MROH7: variants seen among roughly 807,000 people sequenced by gnomAD.
MROH7 encodes the protein maestro heat like repeat family member 7.
MROH7 carries 113 observed loss-of-function variants against 129.2 expected under a neutral mutation model. The observed-to-expected ratio is 0.87, with a 90% CI of 0.75 to 1.02. The LOEUF (loss-of-function observed/expected upper bound fraction) is 1.02. MROH7 is among the 50% of genes least tolerant of loss of function. The probability of loss-of-function intolerance (pLI) is 0.00; values close to 1 mark genes in which losing one functional copy is unlikely to be tolerated. For synonymous variants in MROH7, 655 were observed against 667.9 expected (o/e 0.98, Z 0.30); for missense variants, 1,601 against 1,671.3 (o/e 0.96, Z 0.73).
intron 7 of MROH7, among the ~76,000 whole-genome samples, chr1:54,671,276 T>C (rs960670435): frequency 5.9e-5 from 9 of 151,492 alleles, no homozygotes; most frequent in Admixed American, 1.3e-4. Context: ...AGCGGGCGCC[T>C]GTAGGCCCAG....
Position 54,679,873 on chromosome 1 carries a change from G to C in MROH7, c.2227-18G>C, listed in dbSNP as rs768180710. ...CTTGGCAGTCCCCTTGCTCATGGCT[G>C]CCCCGGCTGTGCCCCAGATCCCAGA... On this transcript the variant is annotated intron_variant, in intron 12 of 23. Coordinates refer to ENST00000421030, the MANE Select transcript of MROH7 (RefSeq NM_001039464.4). The C allele has an allele frequency of 4.4e-6, 7 of 1,598,894 alleles. No individual in the cohort carries two copies. The highest frequency in any genetic ancestry group is 5.1e-6 in the Non-Finnish European group (6 of 1,174,242).
At chr1:54,704,800 T>G (rs1005815346) in intron 21 of MROH7, among the ~76,000 whole-genome samples, 20 of 132,188 alleles carry the variant, frequency 1.5e-4, no homozygotes, top group African/African-American at 6.0e-4. Flanking sequence ...GCTCTTTTTT[T>G]TTTTTTTTTT....
chr1:54,702,768 G>A, intron 21 of MROH7, 23 bp downstream of exon 21: 1 of 1,597,818 alleles, frequency 6.3e-7, no homozygotes, highest in Non-Finnish European at 8.5e-7. Flanking sequence ...AGAGAGTAGA[G>A]TGGTTCCTTA....
At position 54,686,426 on chromosome 1, in the gene MROH7, C is replaced by G. The variant is rs1286656000; in HGVS notation, c.2689C>G (p.Pro897Ala). The G allele has an allele frequency of 1.2e-6, 2 of 1,614,052 alleles. No individual in the cohort carries two copies. The highest frequency in any genetic ancestry group is 4.5e-5 in the East Asian group (2 of 44,872). Residue 897 changes from proline (P) to alanine (A), a missense_variant, in exon 15 of 24, where the codon CCC becomes GCC. Transcript: ENST00000421030. ...PPKDTKKGAQ[P>A]SPFVPVRWVV... ...CAAGGACACCAAGAAGGGTGCACAG[C>G]CCTCTCCCTTCGTACCTGTGCGGTA...
At chr1:54,663,698 A>AG (rs930363123) in intron 3 of MROH7, 1 of 378,468 alleles carries the variant, frequency 2.6e-6, no homozygotes, top group Admixed American at 3.5e-5. Context: ...AAAAAAAAAA[A>AG]AAACAAAAAA....
chr1:54,689,798 C>T (rs1645205151), intron 15 of MROH7, among the ~76,000 whole-genome samples: 1 of 152,166 alleles, frequency 6.6e-6, no homozygotes, highest in Non-Finnish European at 1.5e-5. Flanking sequence ...TCGCTTGAGG[C>T]CAGGGGTTTG....
intron 15 of MROH7, among the ~76,000 whole-genome samples, chr1:54,690,902 CA>C (rs1376635683): frequency 3.3e-5 from 5 of 152,066 alleles, no homozygotes; most frequent in African/African-American, 4.8e-5. Flanking sequence ...AGAAGGTGTC[CA>C]AAATGATGAC....
At chr1:54,647,834 G>A (rs2101055116) in intron 1 of MROH7, among the ~76,000 whole-genome samples, 1 of 151,124 alleles carries the variant, frequency 6.6e-6, no homozygotes, top group South Asian at 2.1e-4. Flanking sequence ...GAACCTGGGA[G>A]GTGGAGGTTG....
At chr1:54,682,943 C>T (rs1645093992) in intron 14 of MROH7, 149 bp downstream of exon 14, 6 of 846,824 alleles carry the variant, frequency 7.1e-6, no homozygotes, top group Non-Finnish European at 1.8e-6. Flanking sequence ...GGCTCTGGCT[C>T]TTGTCTGTGG....
chr1:54,690,789 T>TGAGGACTGG (rs1344216485), intron 15 of MROH7, among the ~76,000 whole-genome samples: 1 of 152,102 alleles, frequency 6.6e-6, no homozygotes, highest in Non-Finnish European at 1.5e-5. Context: ...GCAACACAAA[T>TGAGGACTGG]GAGGACTGGG....
intron 10 of MROH7, among the ~76,000 whole-genome samples, chr1:54,678,231 C>T (rs1569928117): frequency 6.6e-6 from 1 of 152,130 alleles, no homozygotes; most frequent in South Asian, 2.1e-4. Flanking sequence ...TAGATATACT[C>T]ATCAAAAGAC....
intron 14 of MROH7, among the ~76,000 whole-genome samples, chr1:54,685,624 G>A (rs1645136041): frequency 6.6e-6 from 1 of 152,202 alleles, no homozygotes; most frequent in African/African-American, 2.4e-5. Context: ...GGATTGGCAG[G>A]TGGAGAAGTT....
At chr1:54,663,644 G>A (rs1300206445) in intron 3 of MROH7, 1 of 365,540 alleles carries the variant, frequency 2.7e-6, no homozygotes, top group Admixed American at 3.7e-5. Flanking sequence ...AAAGTGCTGG[G>A]ATTACTGGCG....
At position 54,702,709 on chromosome 1, in the gene MROH7, C is replaced by T. The variant is rs1440921901; in HGVS notation, c.3528C>T (p.Asn1176=). The change falls in exon 21 of 24, where the codon AAC becomes AAT. Residue 1176 remains asparagine, a synonymous_variant. Transcript: ENST00000421030. The part of the protein sequence containing the change: ...KRAYSRKPWD[N]QQQTVAKICK... The stretch of plus-strand genomic sequence containing the variant: ...CTTATAGCCGGAAGCCCTGGGACAA[C>T]CAACAGCAGACAGTGGCCAAAATTT... The T allele has an allele frequency of 6.2e-7, 1 of 1,613,746 alleles. No homozygotes were observed. The highest frequency in any genetic ancestry group is 8.5e-7 in the Non-Finnish European group (1 of 1,179,804).
At chr1:54,646,737 T>A (rs1395847288) in intron 1 of MROH7, among the ~76,000 whole-genome samples, 3 of 152,174 alleles carry the variant, frequency 2.0e-5, no homozygotes, top group African/African-American at 7.2e-5. Context: ...ACTATCAGAA[T>A]ATTTTTCTGG....
intron 17 of MROH7, 176 bp downstream of exon 17, chr1:54,695,666 C>T (rs961066489): frequency 3.0e-6 from 2 of 667,726 alleles, no homozygotes; most frequent in East Asian, 5.5e-5. Flanking sequence ...CCTGTCTCTC[C>T]ACCCTTTACT....
intron 4 of MROH7, among the ~76,000 whole-genome samples, chr1:54,666,063 T>C (rs888697499): frequency 1.3e-5 from 2 of 152,246 alleles, no homozygotes; most frequent in Non-Finnish European, 2.9e-5. Flanking sequence ...TTTGCACGTG[T>C]TTCTTCTGCC....
intron 3 of MROH7, among the ~76,000 whole-genome samples, chr1:54,658,229 A>G (rs1282452879): frequency 6.6e-6 from 1 of 152,194 alleles, no homozygotes; most frequent in East Asian, 1.9e-4. Context: ...CTATTTGTTG[A>G]AAAAACTGTC....
At chr1:54,681,885 T>C (rs1287709071) in intron 13 of MROH7, among the ~76,000 whole-genome samples, 1 of 152,174 alleles carries the variant, frequency 6.6e-6, no homozygotes, top group Non-Finnish European at 1.5e-5. Flanking sequence ...ACTCTGCAGC[T>C]CATTAGCTGT....
Sources: allele counts gnomAD v4.1 joint callset (sites outside exome capture counted in the v4.1 genomes callset), GRCh38; gene constraint gnomAD v4.1.1; transcripts MANE v1.5; gene names NCBI Gene and HGNC (gene_info 2026-07-23, HGNC 2026-07-21).